CTNND2: variants seen among roughly 807,000 people sequenced by gnomAD.
CTNND2 encodes catenin delta-2.
Under a neutral mutation model 144.4 loss-of-function variants are expected in CTNND2, and 22 were observed. The ratio of observed to expected loss-of-function variants is 0.15; its 90% CI spans 0.11 to 0.22. The LOEUF (loss-of-function observed/expected upper bound fraction) is 0.22, where lower values mean the gene tolerates loss of function less well. Ranked by LOEUF, CTNND2 falls within the 10% of genes least tolerant of loss-of-function variation. The pLI, the probability that CTNND2 is intolerant of heterozygous loss-of-function variation, is 1.00. For missense variants in CTNND2, 1,353 were observed against 1,618.8 expected (o/e 0.84, Z 2.82); for synonymous variants, 751 against 695.6 (o/e 1.08, Z -1.25).
intron 2 of CTNND2, among the ~76,000 whole-genome samples, chr5:11,578,383 C>T (rs2150125707): frequency 6.6e-6 from 1 of 152,086 alleles, no homozygotes; most frequent in South Asian, 2.1e-4. Flanking sequence ...GTGAACTGGG[C>T]CAGGCGCAGT....
intron 1 of CTNND2, among the ~76,000 whole-genome samples, chr5:11,831,547 A>G (rs1377071298): frequency 6.6e-6 from 1 of 151,968 alleles, no homozygotes; most frequent in Non-Finnish European, 1.5e-5. Flanking sequence ...GGGCGCCTGT[A>G]GTCCCAGCTA....
intron 9 of CTNND2, among the ~76,000 whole-genome samples, chr5:11,263,293 G>T (rs756632985): frequency 4.6e-5 from 7 of 152,066 alleles, no homozygotes; most frequent in Admixed American, 1.3e-4. Flanking sequence ...AATATGAAAT[G>T]CATCTCAGTA....
At chr5:11,292,128 ATGT>A (rs1483641670) in intron 9 of CTNND2, among the ~76,000 whole-genome samples, 2 of 152,126 alleles carry the variant, frequency 1.3e-5, no homozygotes, top group African/African-American at 4.8e-5. Context: ...CTGCATTGCC[ATGT>A]AATAACGACA....
chr5:11,525,408 A>G (rs1204732180), intron 3 of CTNND2, among the ~76,000 whole-genome samples: 1 of 152,236 alleles, frequency 6.6e-6, no homozygotes, highest in Non-Finnish European at 1.5e-5. Context: ...ATTAAAAAAA[A>G]AACACATAAT....
At chr5:11,087,297 A>G (rs1750265171) in intron 15 of CTNND2, among the ~76,000 whole-genome samples, 1 of 152,200 alleles carries the variant, frequency 6.6e-6, no homozygotes, top group African/African-American at 2.4e-5. Flanking sequence ...TCCTGCACTG[A>G]AAAGCTTATT....
chr5:11,275,082 G>T (rs866745843), intron 9 of CTNND2, among the ~76,000 whole-genome samples: 1 of 152,132 alleles, frequency 6.6e-6, no homozygotes, highest in Non-Finnish European at 1.5e-5. Context: ...AGGTTAATGC[G>T]TGGGTGGGAA....
chr5:11,142,482 G>A (rs1756827581), intron 12 of CTNND2, among the ~76,000 whole-genome samples: 2 of 152,074 alleles, frequency 1.3e-5, no homozygotes, highest in African/African-American at 4.8e-5. Flanking sequence ...AACACACCAG[G>A]AATACTTCCA....
chr5:11,853,965 C>T (rs1795135234), intron 1 of CTNND2, among the ~76,000 whole-genome samples: 1 of 152,224 alleles, frequency 6.6e-6, no homozygotes, highest in African/African-American at 2.4e-5. Context: ...ACAGGTTCAT[C>T]AGACTGATCC....
rs559309663 is a variant in CTNND2, at chr5:11,673,567, T to C, written c.174+58569A>G. 5.4e-4 allele frequency among the ~76,000 whole-genome samples: 82 copies of C among 152,346 alleles called. 1 individual carries two copies. Among genetic ancestry groups the C allele is most frequent in the African/African-American group, 1.8e-3 (73 of 41,594 alleles). ...GGTTGCTTTACATATGGAAATTCAGTCTAATCTTTTTCTCATACTTTAAAA... is the reference window on the plus strand; with the variant it reads ...GGTTGCTTTACATATGGAAATTCAGCCTAATCTTTTTCTCATACTTTAAAA... On this transcript the variant is annotated intron_variant, in intron 2 of 21. Coordinates refer to ENST00000304623, the MANE Select transcript of CTNND2 (RefSeq NM_001332.4).
At chr5:11,015,695 C>A (rs1412496089) in intron 18 of CTNND2, among the ~76,000 whole-genome samples, 1 of 152,176 alleles carries the variant, frequency 6.6e-6, no homozygotes, top group Admixed American at 6.5e-5. Context: ...TTTATTTCAG[C>A]AAACAGGAAA....
chr5:11,629,076 T>A (rs1781294169), intron 2 of CTNND2, among the ~76,000 whole-genome samples: 1 of 152,024 alleles, frequency 6.6e-6, no homozygotes, highest in African/African-American at 2.4e-5. Context: ...GACTGCAAGT[T>A]CCTTTCCTAC....
At chr5:11,736,289 G>C (rs1212344822) in intron 1 of CTNND2, among the ~76,000 whole-genome samples, 3 of 152,138 alleles carry the variant, frequency 2.0e-5, no homozygotes, top group Non-Finnish European at 4.4e-5. Context: ...TGACAAGTGT[G>C]ACCCACACAG....
chr5:11,254,367 A>G (rs1743990821), intron 9 of CTNND2, among the ~76,000 whole-genome samples: 1 of 152,336 alleles, frequency 6.6e-6, no homozygotes, highest in Admixed American at 6.5e-5. Flanking sequence ...ACATCCAGGT[A>G]AAGGAAGCTG....
intron 18 of CTNND2, among the ~76,000 whole-genome samples, chr5:11,011,377 C>T (rs1253933537): frequency 5.3e-5 from 8 of 151,954 alleles, no homozygotes; most frequent in South Asian, 4.2e-4. Context: ...CTGCCACACC[C>T]GGCTAATTTT....
chr5:11,711,795 C>T (rs1786048606), intron 2 of CTNND2, among the ~76,000 whole-genome samples: 1 of 152,224 alleles, frequency 6.6e-6, no homozygotes, highest in Non-Finnish European at 1.5e-5. Flanking sequence ...ATACTAGCCA[C>T]ACGGCCTTAA....
intron 15 of CTNND2, among the ~76,000 whole-genome samples, chr5:11,088,027 T>C (rs1165331658): frequency 2.6e-5 from 4 of 152,224 alleles, no homozygotes; most frequent in Non-Finnish European, 5.9e-5. Context: ...GGATTAGTAA[T>C]TTTCAATTAA....
intron 3 of CTNND2, among the ~76,000 whole-genome samples, chr5:11,542,591 T>A (rs1774860846): frequency 6.6e-6 from 1 of 152,236 alleles, no homozygotes; most frequent in South Asian, 2.1e-4. Context: ...TGAAATGATG[T>A]ATGTATTCAA....
At chr5:11,438,324 T>C (rs184732712) in intron 3 of CTNND2, among the ~76,000 whole-genome samples, 1 of 152,348 alleles carries the variant, frequency 6.6e-6, no homozygotes, top group East Asian at 1.9e-4. Flanking sequence ...GGCCTTCTTT[T>C]AAATGCTGAG....
At chr5:11,413,916 T>C (rs974070360) in intron 3 of CTNND2, among the ~76,000 whole-genome samples, 1 of 152,176 alleles carries the variant, frequency 6.6e-6, no homozygotes, top group Non-Finnish European at 1.5e-5. Flanking sequence ...AGGGCCTTCC[T>C]CTCTCAAAAG....
Sources: allele counts gnomAD v4.1 joint callset (sites outside exome capture counted in the v4.1 genomes callset), GRCh38; gene constraint gnomAD v4.1.1; transcripts MANE v1.5; gene names NCBI Gene and HGNC (gene_info 2026-07-23, HGNC 2026-07-21).